TGFBRAP1: variants seen among roughly 807,000 people sequenced by gnomAD.
The protein encoded by TGFBRAP1 is transforming growth factor beta receptor associated protein 1, also known as transforming growth factor-beta receptor-associated protein 1.
TGFBRAP1 carries 20 observed loss-of-function variants against 83.2 expected under a neutral mutation model. The ratio of observed to expected loss-of-function variants is 0.24; its 90% CI spans 0.17 to 0.35. The LOEUF (loss-of-function observed/expected upper bound fraction) is 0.35. Ranked by LOEUF, TGFBRAP1 falls within the 10% of genes least tolerant of loss-of-function variation. The probability of loss-of-function intolerance (pLI) is 1.00; values close to 1 mark genes in which losing one functional copy is unlikely to be tolerated. For missense variants in TGFBRAP1, 950 were observed against 1,099.4 expected, an observed-to-expected ratio of 0.86 and a Z score of 1.92; for synonymous variants, 415 against 459.8, an observed-to-expected ratio of 0.90 and a Z score of 1.25.
chr2:105,304,369 A>C (rs1349406329), intron 2 of TGFBRAP1, among the ~76,000 whole-genome samples: 1 of 152,216 alleles, frequency 6.6e-6, no homozygotes, highest in African/African-American at 2.4e-5. Context: ...TACAATAAAA[A>C]ATTTCACAGT....
At position 105,269,484 on chromosome 2, in the gene TGFBRAP1, C is replaced by T. The variant is rs531474896; in HGVS notation, c.2194G>A (p.Glu732Lys). Reference sequence around the variant, plus strand: ...AGGTCCACGGCAGCCACGGCCAGCTCGTGGGCAGTGGGGCCAGCATGCAGG... The same window carrying T: ...AGGTCCACGGCAGCCACGGCCAGCTTGTGGGCAGTGGGGCCAGCATGCAGG... The part of the protein sequence containing the change: ...IYLHAGPTAH[E>K]LAVAAVDLLN... The change falls in exon 11 of 12, where the codon GAG becomes AAG. Residue 732 changes from glutamate (E) to lysine (K), a missense_variant. By Grantham distance (56) the Glu-to-Lys change is moderately conservative. Transcript: ENST00000393359. This position sits in a 1 kb window ranked among gnomAD's most constrained non-coding sequence, Gnocchi z 4.1. The T allele has an allele frequency of 8.7e-5, 141 of 1,613,390 alleles. No homozygotes were observed. Among genetic ancestry groups the T allele is most frequent in the Non-Finnish European group, 1.1e-4 (134 of 1,179,820 alleles).
intron 7 of TGFBRAP1, among the ~76,000 whole-genome samples, chr2:105,276,017 T>C (rs185667288): frequency 6.6e-6 from 1 of 152,258 alleles, no homozygotes; most frequent in African/African-American, 2.4e-5. Context: ...TGTTTCTTCA[T>C]GAAATAAAGA....
At chr2:105,291,684 T>C (rs566092511) in intron 4 of TGFBRAP1, among the ~76,000 whole-genome samples, 1 of 152,278 alleles carries the variant, frequency 6.6e-6, no homozygotes, top group Admixed American at 6.5e-5. Context: ...GGACAAATAT[T>C]GTATGACTTC....
intron 10 of TGFBRAP1, 60 bp downstream of exon 10, chr2:105,272,795 C>T (rs1357437317): frequency 1.1e-5 from 17 of 1,593,614 alleles, no homozygotes; most frequent in Non-Finnish European, 1.4e-5. Context: ...CTCTCTGCTT[C>T]CTCCCACCCG....
At chr2:105,295,783 C>T (rs901996871) in intron 4 of TGFBRAP1, among the ~76,000 whole-genome samples, 5 of 142,558 alleles carry the variant, frequency 3.5e-5, no homozygotes, top group Non-Finnish European at 7.5e-5. Context: ...TGCACTCCAG[C>T]CTGTCGACAG....
intron 4 of TGFBRAP1, among the ~76,000 whole-genome samples, chr2:105,287,959 C>CT (rs1349545055): frequency 6.6e-6 from 1 of 152,090 alleles, no homozygotes; most frequent in African/African-American, 2.4e-5. Context: ...AAGCCAGTTC[C>CT]TCAAACATGG....
At chr2:105,297,573 A>G (rs2679888) in intron 3 of TGFBRAP1, among the ~76,000 whole-genome samples, 49,553 of 152,178 alleles carry the variant, frequency 0.33, 8,263 homozygotes, top group South Asian at 0.4. Context: ...TTTGGTGAAC[A>G]AAAACCCTTA....
chr2:105,309,960 C>T (rs1170968066), intron 1 of TGFBRAP1, among the ~76,000 whole-genome samples: 1 of 152,114 alleles, frequency 6.6e-6, no homozygotes, highest in Non-Finnish European at 1.5e-5. Context: ...TGCAAGGCAC[C>T]ACCCCTGAGG....
chr2:105,284,571 T>G lies in TGFBRAP1; in HGVS notation c.1039-173A>C, dbSNP rs191478174. 2.7e-3 allele frequency among the ~76,000 whole-genome samples: 409 copies of G among 152,338 alleles called. 3 individuals carry two copies. Among genetic ancestry groups the G allele is most frequent in the Non-Finnish European group, 3.5e-3 (241 of 68,030 alleles). On this transcript the variant is annotated intron_variant, in intron 4 of 11. Transcript: ENST00000393359. The stretch of plus-strand genomic sequence containing the variant: ...ATGTATCTGTCTCTTTATGGTTTTA[T>G]TTTTGTAATTCCCCAATCTTTCCCA...
At chr2:105,252,149 TAAATAAAATA>T in the TGFBRAP1 span, among the ~76,000 whole-genome samples, 2 of 152,034 alleles carry the variant, frequency 1.3e-5, no homozygotes, top group East Asian at 1.9e-4. Context: ...AAAAAATAAA[TAAATAAAATA>T]AAATAAAATA....
At position 105,296,966 on chromosome 2, in the gene TGFBRAP1, GATA is replaced by G. The variant is rs538112801; in HGVS notation, c.884-459_884-457del. 3.6e-3 allele frequency among the ~76,000 whole-genome samples: 548 copies of G among 151,930 alleles called. 3 individuals are homozygous for G. Among genetic ancestry groups the G allele is most frequent in the Non-Finnish European group, 6.1e-3 (417 of 67,944 alleles). ...TTTAATGTGATATTTTGAAGCATGA[GATA>G]ATATTTCATGCTCATCTGCCAACCA... On this transcript the variant is annotated intron_variant, in intron 3 of 11. Coordinates refer to ENST00000393359, the MANE Select transcript of TGFBRAP1 (RefSeq NM_004257.6).
chr2:105,273,163 A>T, intron 9 of TGFBRAP1, 149 bp from the exon 10 acceptor site: 3 of 995,286 alleles, frequency 3.0e-6, no homozygotes, highest in Non-Finnish European at 4.3e-6. Flanking sequence ...CCCTCTCAGA[A>T]ACCATGATAC....
At chr2:105,324,722 CCTG>C (rs1679173746) in intron 1 of TGFBRAP1, among the ~76,000 whole-genome samples, 2 of 152,022 alleles carry the variant, frequency 1.3e-5, no homozygotes, top group Non-Finnish European at 2.9e-5. Context: ...TGAGCTGACT[CCTG>C]CTGTGTTCAG....
At chr2:105,325,411 G>A (rs758529789) in intron 1 of TGFBRAP1, among the ~76,000 whole-genome samples, 2 of 152,174 alleles carry the variant, frequency 1.3e-5, no homozygotes, top group Non-Finnish European at 2.9e-5. Context: ...GCTTGCTCAA[G>A]GTTACCTGGC....
rs764616842 is a variant in TGFBRAP1, at chr2:105,269,107, G to C, written c.2406+165C>G. ...ACCTACCAGCCCAGCCTCTGCCTCTGCTCACACAGACCTCAGTTTCTATGA... is the reference window on the plus strand; with the variant it reads ...ACCTACCAGCCCAGCCTCTGCCTCTCCTCACACAGACCTCAGTTTCTATGA... On this transcript the variant is annotated intron_variant, in intron 11 of 11. Coordinates refer to ENST00000393359, the MANE Select transcript of TGFBRAP1 (RefSeq NM_004257.6). The surrounding 1 kb of genome is among the most constrained non-coding windows in gnomAD (Gnocchi z 4.1). 2.6e-5 allele frequency among the ~76,000 whole-genome samples: 4 copies of C among 152,208 alleles called. No homozygotes were observed. The highest frequency in any genetic ancestry group is 5.9e-5 in the Non-Finnish European group (4 of 68,036).
intron 1 of TGFBRAP1, among the ~76,000 whole-genome samples, chr2:105,326,017 G>A (rs527701112): frequency 6.6e-6 from 1 of 151,968 alleles, no homozygotes; most frequent in East Asian, 1.9e-4. Context: ...ATCTGCAAGA[G>A]TATCTAAAAA....
At chr2:105,279,614 C>A (rs1445112688) in intron 6 of TGFBRAP1, among the ~76,000 whole-genome samples, 7 of 152,090 alleles carry the variant, frequency 4.6e-5, no homozygotes, top group South Asian at 2.1e-4. Context: ...AAGAAGCCTC[C>A]CTTTGAATCT....
At chr2:105,273,161 GA>G in intron 9 of TGFBRAP1, 147 bp from the exon 10 acceptor site, 3 of 1,010,786 alleles carry the variant, frequency 3.0e-6, no homozygotes, top group Non-Finnish European at 2.8e-6. Context: ...AACCCTCTCA[GA>G]AACCATGATA....
the TGFBRAP1 span, chr2:105,249,544 C>T: frequency 9.9e-5 from 15 of 151,998 alleles, no homozygotes; most frequent in South Asian, 1.5e-3. Flanking sequence ...TTTATGCATG[C>T]GGTAAGGAAA....
Sources: allele counts gnomAD v4.1 joint callset (sites outside exome capture counted in the v4.1 genomes callset), GRCh38; gene constraint gnomAD v4.1.1; non-coding constraint Gnocchi (gnomAD v3.1); transcripts MANE v1.5; gene names NCBI Gene and HGNC (gene_info 2026-07-23, HGNC 2026-07-21).